Variants in LRRC7 observed in about 807,000 individuals in gnomAD.
LRRC7 encodes the protein leucine-rich repeat-containing protein 7.
In LRRC7, 23 loss-of-function variants were observed where a neutral mutation model predicts 175.7. The ratio of observed to expected loss-of-function variants is 0.13; its 90% CI spans 0.09 to 0.19. LRRC7 has a LOEUF of 0.19. Ranked by LOEUF, LRRC7 falls within the 10% of genes least tolerant of loss-of-function variation. The pLI is 1.00. For synonymous variants in LRRC7, 685 were observed against 680.9 expected (o/e 1.01, Z -0.09); for missense variants, 1,354 against 1,904.7 (o/e 0.71, Z 5.38).
At chr1:69,757,497 T>C (rs1319774298) in intron 2 of LRRC7, among the ~76,000 whole-genome samples, 2 of 151,920 alleles carry the variant, frequency 1.3e-5, no homozygotes, top group Non-Finnish European at 2.9e-5. Flanking sequence ...GAGAAGAAGC[T>C]GGGCCAAGGA....
chr1:69,668,714 T>A (rs1469716870), intron 1 of LRRC7, among the ~76,000 whole-genome samples: 2 of 152,214 alleles, frequency 1.3e-5, no homozygotes, highest in Non-Finnish European at 2.9e-5. Context: ...CCTTGAGGAA[T>A]TACCACACTG....
At chr1:69,583,197 A>G (rs1208275459) in intron 1 of LRRC7, among the ~76,000 whole-genome samples, 1 of 151,950 alleles carries the variant, frequency 6.6e-6, no homozygotes, top group Non-Finnish European at 1.5e-5. Flanking sequence ...ATTCCCTTTC[A>G]CATTCAAAAC....
intron 1 of LRRC7, among the ~76,000 whole-genome samples, chr1:69,608,459 TG>T (rs976671599): frequency 2.0e-5 from 3 of 152,062 alleles, no homozygotes; most frequent in Admixed American, 6.6e-5. Context: ...AGTTGCCCAC[TG>T]GCTGGCTGAG....
In LRRC7 at chr1:70,123,755, T is replaced by C. The variant is rs898922320; in HGVS notation, c.*1868T>C. Among the ~76,000 whole-genome samples the C allele has an allele frequency of 1.3e-5, 2 of 152,200 alleles. No individual in the cohort carries two copies. The highest frequency in any genetic ancestry group is 4.8e-5 in the African/African-American group (2 of 41,466). ...TAATTTTCTTTGTTGAAAACTCATG[T>C]CAAGCCACCATATCCAGATATTATA... On this transcript the variant is annotated 3_prime_UTR_variant, in exon 27 of 27. Coordinates refer to ENST00000651989, the MANE Select transcript of LRRC7 (RefSeq NM_001370785.2).
At chr1:69,758,095 T>C (rs901737930) in intron 2 of LRRC7, among the ~76,000 whole-genome samples, 8 of 152,008 alleles carry the variant, frequency 5.3e-5, no homozygotes, top group African/African-American at 1.9e-4. Context: ...GTGCCTATTA[T>C]ATATAATATG....
At chr1:69,826,426 T>C (rs7532489) in intron 5 of LRRC7, among the ~76,000 whole-genome samples, 1 of 152,116 alleles carries the variant, frequency 6.6e-6, no homozygotes, top group African/African-American at 2.4e-5. Context: ...ACCCAGCAAG[T>C]GACCATGTTG....
chr1:69,783,354 C>T (rs1673995647), intron 3 of LRRC7, among the ~76,000 whole-genome samples: 1 of 152,124 alleles, frequency 6.6e-6, no homozygotes, highest in Non-Finnish European at 1.5e-5. Flanking sequence ...GACAAATAGA[C>T]CAGTAGGCTA....
intron 2 of LRRC7, among the ~76,000 whole-genome samples, chr1:69,709,415 A>T (rs778918216): frequency 2.5e-4 from 38 of 152,198 alleles, no homozygotes; most frequent in Non-Finnish European, 3.5e-4. Flanking sequence ...TAGCTGTAGT[A>T]GGAGGTGGGG....
intron 1 of LRRC7, among the ~76,000 whole-genome samples, chr1:69,587,279 C>A (rs538359994): frequency 6.6e-6 from 1 of 152,202 alleles, no homozygotes; most frequent in African/African-American, 2.4e-5. Flanking sequence ...AAATAGTTTT[C>A]ATTTTCCTCT....
intron 7 of LRRC7, chr1:69,919,603 C>T (rs984196984): frequency 1.2e-6 from 1 of 822,260 alleles, no homozygotes; most frequent in East Asian, 2.5e-5. Context: ...AGGAGGAGGC[C>T]CTGGAGCTGA....
At chr1:69,775,736 C>T (rs1163956184) in intron 3 of LRRC7, among the ~76,000 whole-genome samples, 1 of 152,042 alleles carries the variant, frequency 6.6e-6, no homozygotes, top group African/African-American at 2.4e-5. Flanking sequence ...TAAGAGAGAA[C>T]CATAAATATG....
rs556653080 is a variant in LRRC7 at position 69,908,915 on chromosome 1, G to T, written c.648-22592G>T. On this transcript the variant is annotated intron_variant, in intron 7 of 26. Transcript: ENST00000651989. ...ATTGTGTGGGAGTCTAAGTCTCTTTGTAGGTCACTAAGGACTTGCTTTATG... is the reference window on the plus strand; with the variant it reads ...ATTGTGTGGGAGTCTAAGTCTCTTTTTAGGTCACTAAGGACTTGCTTTATG... Among the ~76,000 whole-genome samples the T allele has an allele frequency of 2.7e-4, 41 of 151,822 alleles. No homozygotes were observed. The South Asian group carries it at 8.4e-3, about 31-fold the overall frequency.
At chr1:69,580,100 T>A (rs1004251685) in intron 1 of LRRC7, among the ~76,000 whole-genome samples, 1 of 152,096 alleles carries the variant, frequency 6.6e-6, no homozygotes, top group Non-Finnish European at 1.5e-5. Context: ...GAGAAAGAAA[T>A]AAAGGCATTG....
chr1:69,669,654 T>A (rs1166013603), intron 1 of LRRC7, among the ~76,000 whole-genome samples: 1 of 152,214 alleles, frequency 6.6e-6, no homozygotes, highest in Non-Finnish European at 1.5e-5. Context: ...TAAAATAAAA[T>A]TTCTACCCCT....
At chr1:69,852,533 C>CT (rs1683103231) in intron 7 of LRRC7, among the ~76,000 whole-genome samples, 1 of 152,106 alleles carries the variant, frequency 6.6e-6, no homozygotes, top group African/African-American at 2.4e-5. Context: ...ACTTGCATAC[C>CT]TATAGCCATT....
Position 70,131,611 on chromosome 1 carries a change from A to C in LRRC7, c.*9724A>C, listed in dbSNP as rs1041605001. Reference sequence around the variant, plus strand: ...TTTGTATAAAGAGAACTTGATAACTATCAAGTTAATTATGTCTTCTTCTCA... The same window carrying C: ...TTTGTATAAAGAGAACTTGATAACTCTCAAGTTAATTATGTCTTCTTCTCA... On this transcript the variant is annotated 3_prime_UTR_variant, in exon 27 of 27. Coordinates refer to ENST00000651989, the MANE Select transcript of LRRC7 (RefSeq NM_001370785.2). Among the ~76,000 whole-genome samples the C allele has an allele frequency of 6.6e-6, 1 of 152,202 alleles. No homozygotes were observed. Among genetic ancestry groups the C allele is most frequent in the Non-Finnish European group, 1.5e-5 (1 of 68,034 alleles).
intron 7 of LRRC7, among the ~76,000 whole-genome samples, chr1:69,853,270 CTTTTTT>C (rs1163071175): frequency 1.1e-5 from 1 of 88,012 alleles, no homozygotes; most frequent in African/African-American, 4.5e-5. Flanking sequence ...TCCTTTCTTT[CTTTTTT>C]TTTTTTTTTT....
At chr1:69,652,114 T>C (rs967674781) in intron 1 of LRRC7, among the ~76,000 whole-genome samples, 13 of 152,166 alleles carry the variant, frequency 8.5e-5, no homozygotes, top group African/African-American at 3.1e-4. Flanking sequence ...TACTTTGGAT[T>C]TGGAGTTCAA....
At chr1:69,926,896 G>A (rs534671586) in intron 7 of LRRC7, among the ~76,000 whole-genome samples, 14 of 152,136 alleles carry the variant, frequency 9.2e-5, no homozygotes, top group East Asian at 7.7e-4. Flanking sequence ...CAGTTTCTTC[G>A]TAGCCTCAAT....
Sources: allele counts gnomAD v4.1 joint callset (sites outside exome capture counted in the v4.1 genomes callset), GRCh38; gene constraint gnomAD v4.1.1; transcripts MANE v1.5; gene names NCBI Gene and HGNC (gene_info 2026-07-23, HGNC 2026-07-21).